Variants in PLCB2 observed in about 807,000 individuals in gnomAD.
The protein encoded by PLCB2 is 1-phosphatidylinositol 4,5-bisphosphate phosphodiesterase beta-2.
Under a neutral mutation model 141.7 loss-of-function variants are expected in PLCB2, and 115 were observed. The observed-to-expected ratio is 0.81, with a 90% confidence interval of 0.70 to 0.95. PLCB2 has a LOEUF of 0.95. Among genes scored for constraint, PLCB2 ranks in the 40% least tolerant of loss-of-function variants. The probability of loss-of-function intolerance (pLI) is 0.00; values close to 1 mark genes in which losing one functional copy is unlikely to be tolerated. For synonymous variants in PLCB2, 603 were observed against 595.6 expected (o/e 1.01, Z -0.18); for missense variants, 1,403 against 1,541.1 (o/e 0.91, Z 1.50).
At chr15:40,303,159 T>G in intron 3 of PLCB2, 129 bp downstream of exon 3, 1 of 736,116 alleles carries the variant, frequency 1.4e-6, no homozygotes, top group Non-Finnish European at 2.4e-6. Flanking sequence ...CCACGGTCCT[T>G]GCTGCCCAGC....
chr15:40,296,209 G>A (rs1198863182), intron 16 of PLCB2, 87 bp downstream of exon 16: 7 of 1,027,392 alleles, frequency 6.8e-6, no homozygotes, highest in Non-Finnish European at 7.4e-6. Context: ...CTCCGTGGCT[G>A]GATATTTATA....
At chr15:40,289,379 G>A in intron 30 of PLCB2, 21 bp from the exon 31 acceptor site, 2 of 1,581,362 alleles carry the variant, frequency 1.3e-6, no homozygotes, top group Non-Finnish European at 1.7e-6. Flanking sequence ...GTGGATGGCA[G>A]AGAATCAGGA....
At chr15:40,292,470 G>T in intron 21 of PLCB2, 27 bp from the exon 22 acceptor site, 1 of 1,531,902 alleles carries the variant, frequency 6.5e-7, no homozygotes, top group Non-Finnish European at 9.0e-7. Flanking sequence ...GGTAGGCAGT[G>T]AGCCAGAGCC....
At position 40,290,075 on chromosome 15, in the gene PLCB2, T is replaced by C; in HGVS notation, c.3217A>G (p.Arg1073Gly). 6.2e-7 allele frequency: 1 copy of C among 1,608,168 alleles called. No homozygotes were observed. Reference sequence around the variant, plus strand: ...TGGATGTGGGAGTTGTTAATCTCTCTCTTCAACCTGTTGGTGTAATTGGAG... The same window carrying C: ...TGGATGTGGGAGTTGTTAATCTCTCCCTTCAACCTGTTGGTGTAATTGGAG... ...TDKMAQERLK[R>G]EINNSHIQEV... Residue 1073 changes from arginine to glycine, a missense_variant, in exon 30 of 32, where the codon AGA becomes GGA. By Grantham distance (125) the Arg-to-Gly change is moderately radical. Transcript: ENST00000260402.
At chr15:40,299,437 G>T (rs2040402513) in intron 7 of PLCB2, 1 of 507,610 alleles carries the variant, frequency 2.0e-6, no homozygotes, top group African/African-American at 1.9e-5. Flanking sequence ...CCCTGATTTT[G>T]TACAGTGGCT....
In PLCB2 at chr15:40,298,667, G is replaced by T; in HGVS notation, c.892C>A (p.Pro298Thr). 1.2e-6 allele frequency: 2 copies of T among 1,614,128 alleles called. No individual in the cohort carries two copies. The highest frequency in any genetic ancestry group is 1.7e-6 in the Non-Finnish European group (2 of 1,179,966). ...TCCTGGGCCAGCACGCTGTTCTCTG[G>T]CCCACAGAGAAACCAGACCATGCCT... ...PEGMVWFLCG[P>T]ENSVLAQDKL... Residue 298 changes from proline (P) to threonine (T), a missense_variant, in exon 10 of 32, where the codon CCA becomes ACA. This residue lies in a region of PLCB2 where 975 missense variants were observed against 1,141.1 expected (regional missense o/e 0.85). Coordinates refer to ENST00000260402, the MANE Select transcript of PLCB2 (RefSeq NM_004573.3).
At chr15:40,301,506 C>T (rs1481809323) in intron 7 of PLCB2, 3 of 702,508 alleles carry the variant, frequency 4.3e-6, no homozygotes, top group Non-Finnish European at 7.8e-6. Flanking sequence ...TGCATCTTGG[C>T]AGCTTCCGCC....
At position 40,303,998 on chromosome 15, in the gene PLCB2, C is replaced by T. The variant is rs779687261; in HGVS notation, c.162+3G>A. On this transcript the variant is annotated splice_donor_region_variant and intron_variant, in intron 2 of 31. Coordinates refer to ENST00000260402, the MANE Select transcript of PLCB2 (RefSeq NM_004573.3). The stretch of plus-strand genomic sequence containing the variant: ...GGGCCATGGCACACAAGGGTTTTCT[C>T]ACCTTACTTTGATACGTCCAGTATA... 1 of 1,574,836 alleles carries T rather than the reference C, an allele frequency of 6.3e-7. No individual in the cohort carries two copies. Among genetic ancestry groups the T allele is most frequent in the Admixed American group, 1.8e-5 (1 of 54,498 alleles).
In PLCB2 at chr15:40,303,303, A is replaced by G; in HGVS notation, c.216T>C (p.Phe72=). ...TSIRDTRFGK[F]AKMPKSQKLR... is the part of the protein sequence containing the mutation. ...ACACACCTACCTTGGGCATCTTGGC[A>G]AACTTCCCAAAGCGAGTATCCCGGA... Residue 72 remains phenylalanine, a synonymous_variant, in exon 3 of 32, where the codon TTT becomes TTC. Coordinates refer to ENST00000260402, the MANE Select transcript of PLCB2 (RefSeq NM_004573.3). 1 of 1,613,662 alleles carries G rather than the reference A, an allele frequency of 6.2e-7. No individual in the cohort carries two copies. Among genetic ancestry groups the G allele is most frequent in the Non-Finnish European group, 8.5e-7 (1 of 1,179,562 alleles).
At chr15:40,299,021 A>T in intron 8 of PLCB2, 57 bp from the exon 9 acceptor site, 1 of 1,587,546 alleles carries the variant, frequency 6.3e-7, no homozygotes, top group Non-Finnish European at 8.6e-7. Context: ...AGGCTTAGAC[A>T]ACCCCCTTGT....
chr15:40,299,265 C>T, intron 7 of PLCB2, 37 bp from the exon 8 acceptor site: 1 of 1,400,556 alleles, frequency 7.1e-7, no homozygotes, highest in Non-Finnish European at 1.0e-6. Flanking sequence ...CTGCCCTCAC[C>T]TTCTCAGAGC....
At chr15:40,300,641 T>C (rs2040456032) in intron 7 of PLCB2, 1 of 152,196 alleles carries the variant, frequency 6.6e-6, no homozygotes, top group Non-Finnish European at 1.5e-5. Context: ...TTATGAGAAA[T>C]GAATACAGCC....
Position 40,307,596 on chromosome 15 carries a change from C to T in PLCB2, c.77G>A (p.Trp26Ter). 6.3e-7 allele frequency: 1 copy of T among 1,585,250 alleles called. No individual in the cohort carries two copies. Among genetic ancestry groups the T allele is most frequent in the Non-Finnish European group, 8.6e-7 (1 of 1,162,864 alleles). Residue 26 changes from tryptophan to a stop codon, truncating the protein, a stop_gained, in exon 1 of 32, where the codon TGG (tryptophan) becomes TAG (stop). Coordinates refer to ENST00000260402, the MANE Select transcript of PLCB2 (RefSeq NM_004573.3). LOFTEE classifies it high-confidence loss of function. ...GGCCCCTGCCCCACTTACATCATCC[C>T]ATTTGATGAAGCGCTCCCCTTGGCT... ...YLSQGERFIK[W>*]DDETTVASPV...
chr15:40,302,129 G>A lies in PLCB2; in HGVS notation c.506+7C>T, dbSNP rs770828456. ...CTGGAAGCCTGGGGAGGGGTTGGGG[G>A]GCTCACTTCTTCACCGGAATCTTCC... On this transcript the variant is annotated splice_region_variant and intron_variant, in intron 6 of 31. Coordinates refer to ENST00000260402, the MANE Select transcript of PLCB2 (RefSeq NM_004573.3). 1 of 1,611,744 alleles carries A rather than the reference G, an allele frequency of 6.2e-7. No individual in the cohort carries two copies. The highest frequency in any genetic ancestry group is 1.1e-5 in the South Asian group (1 of 90,950).
rs756019167 is a variant in PLCB2, at chr15:40,291,587, C to T, written c.2647+19G>A. ...GCCCCAGGCTCATCCCCGAGATCACCGGGCTCAGCAGGCCTTACCCGCAGC... is the reference window on the plus strand; with the variant it reads ...GCCCCAGGCTCATCCCCGAGATCACTGGGCTCAGCAGGCCTTACCCGCAGC... On this transcript the variant is annotated intron_variant, in intron 25 of 31. Coordinates refer to ENST00000260402, the MANE Select transcript of PLCB2 (RefSeq NM_004573.3). 4.2e-5 allele frequency: 67 copies of T among 1,612,912 alleles called. No individual in the cohort carries two copies. Among genetic ancestry groups the T allele is most frequent in the Non-Finnish European group, 5.5e-5 (65 of 1,179,828 alleles).
intron 1 of PLCB2, among the ~76,000 whole-genome samples, chr15:40,304,500 T>G (rs1358490519): frequency 1.3e-5 from 2 of 152,150 alleles, no homozygotes; most frequent in Non-Finnish European, 2.9e-5. Context: ...CCTCCTACCC[T>G]GTCCATTCAA....
chr15:40,288,974 C>A, intron 31 of PLCB2, 56 bp from the exon 32 acceptor site: 3 of 1,593,554 alleles, frequency 1.9e-6, no homozygotes, highest in Non-Finnish European at 2.6e-6. Context: ...TGGCCACCCT[C>A]GCTCCCTGGA....
intron 1 of PLCB2, among the ~76,000 whole-genome samples, chr15:40,305,949 A>C (rs1233741796): frequency 6.6e-6 from 1 of 152,206 alleles, no homozygotes; most frequent in East Asian, 1.9e-4. Context: ...GTCAGTGTAA[A>C]TAAAGGTTGG....
downstream of PLCB2, among the ~76,000 whole-genome samples, chr15:40,284,814 T>TG (rs1396094543): frequency 2.3e-4 from 26 of 114,756 alleles, no homozygotes; most frequent in African/African-American, 9.0e-4. Context: ...CACTCCAGCC[T>TG]GGAGACAGAG....
Sources: allele counts gnomAD v4.1 joint callset (sites outside exome capture counted in the v4.1 genomes callset), GRCh38; gene constraint gnomAD v4.1.1; regional missense constraint gnomAD v4.1.1; transcripts MANE v1.5; gene names NCBI Gene and HGNC (gene_info 2026-07-23, HGNC 2026-07-21).